Variants in TRDN observed in about 807,000 individuals in gnomAD.
TRDN encodes the protein triadin.
Under a neutral mutation model 149.7 loss-of-function variants are expected in TRDN, and 161 were observed. That is an observed-to-expected ratio of 1.08 (90% CI 0.95 to 1.23). The LOEUF is 1.23. Among genes scored for constraint, TRDN ranks in the 50% most tolerant of loss-of-function variants. The pLI, the probability that TRDN is intolerant of heterozygous loss-of-function variation, is 0.00. For synonymous variants in TRDN, 294 were observed against 250.5 expected (o/e 1.17, Z -1.64); for missense variants, 896 against 823.5 (o/e 1.09, Z -1.08).
chr6:123,254,680 T>C (rs1024664477), intron 37 of TRDN, among the ~76,000 whole-genome samples: 1 of 151,982 alleles, frequency 6.6e-6, no homozygotes. Context: ...AATTTAAAGG[T>C]CTAATTTATA....
chr6:123,558,201 C>A (rs1420362418), intron 2 of TRDN, among the ~76,000 whole-genome samples: 1 of 152,054 alleles, frequency 6.6e-6, no homozygotes, highest in East Asian at 1.9e-4. Context: ...CGCCTGTCCC[C>A]TCAGTCCCAA....
intron 31 of TRDN, 66 bp from the exon 32 acceptor site, chr6:123,267,817 T>C (rs1036049063): frequency 8.6e-6 from 11 of 1,282,332 alleles, no homozygotes; most frequent in African/African-American, 1.5e-5. Flanking sequence ...CTTATTTATA[T>C]ATTTGCAAGT....
rs925641447 is a variant in TRDN at position 123,326,717 on chromosome 6, G to T, written c.1471+5162C>A. 2.2e-4 allele frequency among the ~76,000 whole-genome samples: 33 copies of T among 151,842 alleles called. 1 individual carries two copies. Among genetic ancestry groups the T allele is most frequent in the Non-Finnish European group, 2.9e-5 (2 of 67,930 alleles). Reference sequence around the variant, plus strand: ...GTCCACATTATAAATTAACCAAGAAGTACTGATTACAAATATCACCCACAT... The same window carrying T: ...GTCCACATTATAAATTAACCAAGAATTACTGATTACAAATATCACCCACAT... On this transcript the variant is annotated intron_variant, in intron 23 of 40. Coordinates refer to ENST00000334268, the MANE Select transcript of TRDN (RefSeq NM_006073.4).
intron 20 of TRDN, among the ~76,000 whole-genome samples, chr6:123,357,981 T>A (rs1279979605): frequency 6.6e-6 from 1 of 152,304 alleles, no homozygotes; most frequent in Non-Finnish European, 1.5e-5. Context: ...CTTTTCTGGT[T>A]CTAATGTAAA....
At chr6:123,587,582 CT>C (rs1273656842) in intron 1 of TRDN, among the ~76,000 whole-genome samples, 1 of 152,132 alleles carries the variant, frequency 6.6e-6, no homozygotes, top group Admixed American at 6.6e-5. Context: ...GGGAGGTCCC[CT>C]GATCTGAGTC....
intron 24 of TRDN, among the ~76,000 whole-genome samples, chr6:123,288,118 T>C (rs1419795525): frequency 6.6e-6 from 1 of 151,988 alleles, no homozygotes; most frequent in African/African-American, 2.4e-5. Context: ...AAAAATCAAG[T>C]GTTCCAAAAA....
At chr6:123,608,484 G>A (rs1784625998) in intron 1 of TRDN, among the ~76,000 whole-genome samples, 1 of 152,226 alleles carries the variant, frequency 6.6e-6, no homozygotes, top group South Asian at 2.1e-4. Context: ...AAGCAACTTA[G>A]TAAAGGGCTA....
At chr6:123,528,106 T>C (rs1403318689) in intron 5 of TRDN, among the ~76,000 whole-genome samples, 1 of 151,938 alleles carries the variant, frequency 6.6e-6, no homozygotes, top group Non-Finnish European at 1.5e-5. Flanking sequence ...CTTGATATGA[T>C]AAAGTAAAAT....
intron 9 of TRDN, among the ~76,000 whole-genome samples, chr6:123,466,441 C>A (rs562855889): frequency 6.6e-6 from 1 of 152,218 alleles, no homozygotes; most frequent in East Asian, 1.9e-4. Context: ...AGAGTTTAGG[C>A]TTCTCAGCTG....
chr6:123,622,429 A>C (rs1785446486), intron 1 of TRDN, among the ~76,000 whole-genome samples: 1 of 152,088 alleles, frequency 6.6e-6, no homozygotes, highest in Non-Finnish European at 1.5e-5. Flanking sequence ...ACAGTAGGCT[A>C]TTAATAAAGT....
At chr6:123,569,244 T>A (rs1387664129) in intron 2 of TRDN, among the ~76,000 whole-genome samples, 2 of 152,194 alleles carry the variant, frequency 1.3e-5, no homozygotes, top group Non-Finnish European at 2.9e-5. Flanking sequence ...CAGTCTCCAA[T>A]ACATTCCTCA....
intron 10 of TRDN, chr6:123,464,398 GTA>G: frequency 3.1e-6 from 3 of 959,710 alleles, no homozygotes; most frequent in East Asian, 1.1e-4. Context: ...GAGTGTGTGT[GTA>G]TATATATATT....
At chr6:123,594,442 A>G (rs959805298) in intron 1 of TRDN, among the ~76,000 whole-genome samples, 1 of 152,030 alleles carries the variant, frequency 6.6e-6, no homozygotes, top group South Asian at 2.1e-4. Flanking sequence ...AAGCTCTACT[A>G]TAGGTTGTAG....
intron 23 of TRDN, among the ~76,000 whole-genome samples, chr6:123,329,993 A>G (rs1165901787): frequency 6.6e-6 from 1 of 152,048 alleles, no homozygotes; most frequent in African/African-American, 2.4e-5. Context: ...CCCTGTCCCC[A>G]TCACTAATAT....
At chr6:123,541,505 T>C (rs571385184) in intron 4 of TRDN, among the ~76,000 whole-genome samples, 2 of 152,268 alleles carry the variant, frequency 1.3e-5, no homozygotes, top group Non-Finnish European at 2.9e-5. Context: ...CCAACCTCCA[T>C]ACCTACTGTC....
At chr6:123,334,609 TG>T (rs1463764988) in intron 22 of TRDN, among the ~76,000 whole-genome samples, 1 of 152,010 alleles carries the variant, frequency 6.6e-6, no homozygotes, top group Admixed American at 6.6e-5. Flanking sequence ...TATGTCCCTG[TG>T]GGTGTGTTGA....
intron 33 of TRDN, among the ~76,000 whole-genome samples, chr6:123,264,862 T>C (rs192477311): frequency 2.6e-5 from 4 of 152,188 alleles, no homozygotes; most frequent in Admixed American, 1.3e-4. Context: ...AAAATACTTT[T>C]AAATTAAGCT....
intron 1 of TRDN, among the ~76,000 whole-genome samples, chr6:123,592,807 G>A (rs1469823783): frequency 6.6e-6 from 1 of 152,158 alleles, no homozygotes; most frequent in African/African-American, 2.4e-5. Flanking sequence ...CCCTTGAATA[G>A]TATTGATCTA....
At chr6:123,540,893 C>T (rs1780801783) in intron 4 of TRDN, among the ~76,000 whole-genome samples, 1 of 152,158 alleles carries the variant, frequency 6.6e-6, no homozygotes, top group Non-Finnish European at 1.5e-5. Context: ...AAGTTGAGAA[C>T]CATTGGTAAG....
Sources: allele counts gnomAD v4.1 joint callset (sites outside exome capture counted in the v4.1 genomes callset), GRCh38; gene constraint gnomAD v4.1.1; transcripts MANE v1.5; gene names NCBI Gene and HGNC (gene_info 2026-07-23, HGNC 2026-07-21).